Variants in TNKS2 observed in about 807,000 individuals in gnomAD.
TNKS2 encodes tankyrase 2, also known as poly [ADP-ribose] polymerase tankyrase-2.
A neutral mutation model predicts 137.6 loss-of-function variants in TNKS2; 72 were observed. The observed-to-expected ratio is 0.52, with a 90% CI of 0.43 to 0.64. TNKS2 has a LOEUF of 0.64. Among genes scored for constraint, TNKS2 ranks in the 30% least tolerant of loss-of-function variants. The pLI, the probability that TNKS2 is intolerant of heterozygous loss-of-function variation, is 0.00. For synonymous variants in TNKS2, 516 were observed against 512.1 expected (o/e 1.01, Z -0.10); for missense variants, 1,049 against 1,410.2 (o/e 0.74, Z 4.10).
Position 91,848,431 on chromosome 10 carries a change from C to T in TNKS2, c.2407C>T (p.Leu803=), listed in dbSNP as rs144949883. The part of the protein sequence containing the change: ...LLTAAMPPSA[L]PSCYKPQVLN... ...GACAGCAGCCATGCCCCCATCTGCT[C>T]TGCCCTCTTGTTACAAGCCTCAAGT... is the stretch of plus-strand genomic sequence containing the variant. The change falls in exon 19 of 27, where the codon CTG becomes TTG. Residue 803 remains leucine, a synonymous_variant. Coordinates refer to ENST00000371627, the MANE Select transcript of TNKS2 (RefSeq NM_025235.4). The T allele has an allele frequency of 2.6e-5, 42 of 1,614,110 alleles. No individual in the cohort carries two copies. The highest frequency in any genetic ancestry group is 2.1e-4 in the African/African-American group (16 of 74,934).
rs1323150870 is a variant in TNKS2 at position 91,848,569 on chromosome 10, T to C, written c.2545T>C (p.Ser849Pro). ...SSLDNLSGSF[S>P]ELSSVVSSSG... ...TCTTGACAACTTATCTGGGAGTTTT[T>C]CAGAACTGTCTTCAGTAGTTAGTTC... Residue 849 changes from serine (S) to proline (P), a missense_variant, in exon 19 of 27, where the codon TCA becomes CCA. Physicochemically the swap from Ser to Pro is moderately conservative, Grantham distance 74. Coordinates refer to ENST00000371627, the MANE Select transcript of TNKS2 (RefSeq NM_025235.4). 6.2e-7 allele frequency: 1 copy of C among 1,614,208 alleles called. No homozygotes were observed. The highest frequency in any genetic ancestry group is 1.1e-5 in the South Asian group (1 of 91,088).
rs765942229 is a variant in TNKS2, at chr10:91,828,339, G to A, written c.1037G>A (p.Arg346Gln). 6 of 1,606,908 alleles carry A rather than the reference G, an allele frequency of 3.7e-6. No individual in the cohort carries two copies. The highest frequency in any genetic ancestry group is 2.2e-5 in the South Asian group (2 of 89,676). ...LQAAREADVT[R>Q]IKKHLSLEMV... ...GCTGCACGAGAAGCTGATGTTACTC[G>A]AATCAAAAAACATCTCTCTCTGGAA... The change falls in exon 9 of 27, where the codon CGA (arginine) becomes CAA (glutamine). Residue 346 changes from arginine to glutamine, a missense_variant. Around this residue, in one of 6 missense-constraint regions of TNKS2, gnomAD observed 374 missense variants for 460.8 expected, o/e 0.81. Coordinates refer to ENST00000371627, the MANE Select transcript of TNKS2 (RefSeq NM_025235.4).
chr10:91,849,530 G>T lies in TNKS2; in HGVS notation c.2630G>T (p.Ser877Ile). ...EKKEVPGVDF[S>I]ITQFVRNLGL... ...TTCCCAGTTCCAGGAGTAGATTTTAGCATAACTCAATTCGTAAGGAATCTT... is the reference window on the plus strand; with the variant it reads ...TTCCCAGTTCCAGGAGTAGATTTTATCATAACTCAATTCGTAAGGAATCTT... Residue 877 changes from serine to isoleucine, a missense_variant, in exon 20 of 27, where the codon AGC becomes ATC. Ser to Ile is a moderately radical substitution (Grantham distance 142, BLOSUM62 -2). Coordinates refer to ENST00000371627, the MANE Select transcript of TNKS2 (RefSeq NM_025235.4). The T allele has an allele frequency of 6.2e-7, 1 of 1,611,366 alleles. No individual in the cohort carries two copies. Among genetic ancestry groups the T allele is most frequent in the Non-Finnish European group, 8.5e-7 (1 of 1,179,098 alleles).
chr10:91,835,999 CCGTGTG>C (rs1842001668), intron 12 of TNKS2, among the ~76,000 whole-genome samples: 1 of 90,380 alleles, frequency 1.1e-5, no homozygotes, highest in South Asian at 4.1e-4. Context: ...CATAAGAATA[CCGTGTG>C]TGTGTGTGTG....
chr10:91,835,996 A>C (rs1266248861), intron 12 of TNKS2, among the ~76,000 whole-genome samples: 2 of 137,500 alleles, frequency 1.5e-5, no homozygotes, highest in Non-Finnish European at 3.1e-5. Flanking sequence ...TTTCATAAGA[A>C]TACCGTGTGT....
chr10:91,838,219 G>A (rs1160613194), intron 13 of TNKS2, among the ~76,000 whole-genome samples: 1 of 151,906 alleles, frequency 6.6e-6, no homozygotes, highest in African/African-American at 2.4e-5. Context: ...ATAAAGAGGA[G>A]ATGAAGTTGG....
intron 6 of TNKS2, among the ~76,000 whole-genome samples, 154 bp downstream of exon 6, chr10:91,820,187 A>G (rs143162182): frequency 1.3e-3 from 198 of 152,362 alleles, no homozygotes; most frequent in African/African-American, 4.4e-3. Flanking sequence ...GCAGGAAATT[A>G]TAAAACCTTA....
chr10:91,836,654 A>G (rs1196246955), intron 12 of TNKS2: 2 of 985,210 alleles, frequency 2.0e-6, no homozygotes, highest in African/African-American at 1.7e-5. Flanking sequence ...CATCTCCTTT[A>G]TGTTCCTTTA....
At chr10:91,836,874 T>G in intron 12 of TNKS2, 45 bp from the exon 13 acceptor site, 1 of 1,585,650 alleles carries the variant, frequency 6.3e-7, no homozygotes, top group Non-Finnish European at 8.6e-7. Context: ...GGTTCCATCT[T>G]CCAAATAGAG....
In TNKS2 at chr10:91,798,577, G is replaced by A. The variant is rs1390666033; in HGVS notation, c.-114G>A. 7.3e-5 allele frequency: 84 copies of A among 1,155,406 alleles called. No individual in the cohort carries two copies. The highest frequency in any genetic ancestry group is 3.4e-4 in the Middle Eastern group (1 of 2,954). 71.6% of individuals were successfully genotyped at this position (1,155,406 alleles called of 1,614,324 possible). Reference sequence around the variant, plus strand: ...GGATCCGGTGACAGCAGGGAGCCAAGCGGCCCGGGCCCTGAGCGCGTCTTC... The same window carrying A: ...GGATCCGGTGACAGCAGGGAGCCAAACGGCCCGGGCCCTGAGCGCGTCTTC... On this transcript the variant is annotated 5_prime_UTR_variant, in exon 1 of 27. Coordinates refer to ENST00000371627, the MANE Select transcript of TNKS2 (RefSeq NM_025235.4).
In TNKS2 at chr10:91,807,505, G is replaced by A. The variant is rs1179572708; in HGVS notation, c.200-5478G>A. 4.1e-6 allele frequency: 6 copies of A among 1,458,350 alleles called. No individual in the cohort carries two copies. In the South Asian group the frequency reaches 4.6e-5, roughly 11 times the overall value. The allele number at this position is 1,458,350 out of a possible 1,614,324, so 90.3% of individuals were successfully genotyped here. On this transcript the variant is annotated intron_variant, in intron 1 of 26. Coordinates refer to ENST00000371627, the MANE Select transcript of TNKS2 (RefSeq NM_025235.4). ...GAACCCGGCCCAACAAACTACCTACGTCCGGGAGTCGCCAACCGACGCGAG... is the reference window on the plus strand; with the variant it reads ...GAACCCGGCCCAACAAACTACCTACATCCGGGAGTCGCCAACCGACGCGAG...
chr10:91,845,028 G>C lies in TNKS2; in HGVS notation c.2169G>C (p.Gly723=), dbSNP rs1285543127. ...CTTTACATAATGCAGCATCTTACGG[G>C]GTAAGTTCTTCCGTGTTACCTTTAA... The part of the protein sequence containing the change: ...LIPLHNAASY[G]HVDVAALLIK... Residue 723 remains glycine (G), a splice_region_variant and synonymous_variant, in exon 17 of 27, where the codon GGG becomes GGC. Coordinates refer to ENST00000371627, the MANE Select transcript of TNKS2 (RefSeq NM_025235.4). The C allele has an allele frequency of 5.0e-6, 8 of 1,597,994 alleles. No individual in the cohort carries two copies. In the African/African-American group the frequency reaches 9.4e-5, roughly 19 times the overall value.
intron 1 of TNKS2, among the ~76,000 whole-genome samples, chr10:91,807,893 G>A (rs1237148580): frequency 1.3e-5 from 2 of 151,886 alleles, no homozygotes; most frequent in Non-Finnish European, 2.9e-5. Flanking sequence ...CTACTCTGGA[G>A]GCTGAAGCAG....
intron 1 of TNKS2, among the ~76,000 whole-genome samples, chr10:91,806,764 A>G (rs1299650669): frequency 6.6e-6 from 1 of 152,246 alleles, no homozygotes; most frequent in Non-Finnish European, 1.5e-5. Context: ...AACAGCATAC[A>G]TTTTATGCTC....
chr10:91,843,167 G>T (rs1203188133), intron 16 of TNKS2, among the ~76,000 whole-genome samples: 1 of 152,114 alleles, frequency 6.6e-6, no homozygotes, highest in Non-Finnish European at 1.5e-5. Context: ...GTTTTGGTTT[G>T]TGAGAGTTCT....
At chr10:91,842,656 T>A (rs576759301) in intron 16 of TNKS2, among the ~76,000 whole-genome samples, 14 of 152,114 alleles carry the variant, frequency 9.2e-5, no homozygotes, top group Admixed American at 2.0e-4. Context: ...GCACCTGTAG[T>A]CCCAGCTATT....
At chr10:91,835,031 A>T (rs1781266024) in intron 12 of TNKS2, among the ~76,000 whole-genome samples, 1 of 152,194 alleles carries the variant, frequency 6.6e-6, no homozygotes, top group African/African-American at 2.4e-5. Flanking sequence ...TTACAGTCAG[A>T]ATATATGAAA....
At chr10:91,800,654 G>A (rs939658229) in intron 1 of TNKS2, among the ~76,000 whole-genome samples, 3 of 152,050 alleles carry the variant, frequency 2.0e-5, no homozygotes, top group African/African-American at 7.2e-5. Flanking sequence ...CAAATTATCA[G>A]GTATAGGTTA....
At chr10:91,824,678 T>C (rs1397137177) in intron 7 of TNKS2, among the ~76,000 whole-genome samples, 1 of 152,264 alleles carries the variant, frequency 6.6e-6, no homozygotes, top group East Asian at 1.9e-4. Context: ...GGAATGCTTA[T>C]CCAGTTTGCA....
Sources: allele counts gnomAD v4.1 joint callset (sites outside exome capture counted in the v4.1 genomes callset), GRCh38; gene constraint gnomAD v4.1.1; regional missense constraint gnomAD v4.1.1; transcripts MANE v1.5; gene names NCBI Gene and HGNC (gene_info 2026-07-23, HGNC 2026-07-21).